Variants in APBA2 observed in about 807,000 individuals in gnomAD.
APBA2 encodes amyloid beta precursor protein binding family A member 2.
In APBA2, 30 loss-of-function variants were observed where a neutral mutation model predicts 75.0. The ratio of observed to expected loss-of-function variants is 0.40; its 90% CI spans 0.30 to 0.54. APBA2 has a LOEUF of 0.54. Among genes scored for constraint, APBA2 ranks in the 20% least tolerant of loss-of-function variants. The pLI is 0.49. For missense variants in APBA2, 801 were observed against 1,016.1 expected (o/e 0.79, Z 2.88); for synonymous variants, 444 against 409.6 (o/e 1.08, Z -1.01).
chr15:28,960,155 A>G (rs1208539632), intron 2 of APBA2, among the ~76,000 whole-genome samples: 1 of 151,440 alleles, frequency 6.6e-6, no homozygotes, highest in Non-Finnish European at 1.5e-5. Flanking sequence ...TTTCAAAAAA[A>G]AAAAAAAAAA....
At chr15:28,886,408 C>G (rs1030045849) in intron 1 of APBA2, 130 bp downstream of exon 1, 3 of 151,282 alleles carry the variant, frequency 2.0e-5, no homozygotes, top group African/African-American at 7.3e-5. Flanking sequence ...GAGCGCTGCC[C>G]TCCCGACTCA....
Position 29,117,132 on chromosome 15 carries a change from AGGCCACCCCAGCCT to A in APBA2, c.*6_*19del, listed in dbSNP as rs761806497. 3.1e-5 allele frequency: 50 copies of A among 1,612,756 alleles called. No homozygotes were observed. Among genetic ancestry groups the A allele is most frequent in the Non-Finnish European group, 4.2e-5 (49 of 1,179,842 alleles). On this transcript the variant is annotated stop_retained_variant and 3_prime_UTR_variant, in exon 15 of 15. Coordinates refer to ENST00000683413, the MANE Select transcript of APBA2 (RefSeq NM_001353788.2). ...GGTCAGGAGACCCCGCTGTACATCT[AGGCCACCCCAGCCT>A]GGCCACGCAGCCAGGACACCGGGCA...
At chr15:29,067,638 G>A (rs534539464) in intron 4 of APBA2, among the ~76,000 whole-genome samples, 2 of 152,214 alleles carry the variant, frequency 1.3e-5, no homozygotes, top group South Asian at 2.1e-4. Context: ...AACATATATC[G>A]TTAAATCCAC....
At chr15:28,983,545 G>A (rs542866376) in intron 2 of APBA2, among the ~76,000 whole-genome samples, 1 of 152,326 alleles carries the variant, frequency 6.6e-6, no homozygotes, top group African/African-American at 2.4e-5. Flanking sequence ...TTCTCTTCGA[G>A]GCTGGTTGTG....
chr15:29,117,529 C>T lies in APBA2; in HGVS notation c.*396C>T. 1 of 253,252 alleles carries T rather than the reference C, an allele frequency of 3.9e-6. No individual in the cohort carries two copies. Among genetic ancestry groups the T allele is most frequent in the South Asian group, 5.0e-5 (1 of 20,014 alleles). 15.7% of individuals were successfully genotyped at this position (253,252 alleles called of 1,614,324 possible). A position where few individuals can be genotyped will look rare whatever the true frequency, so the allele number is the denominator to read the frequency against. On this transcript the variant is annotated 3_prime_UTR_variant, in exon 15 of 15. Transcript: ENST00000683413. ...GGGGCAGGGCAGCCGTCACCCCTGC[C>T]TCCCGCCCCCTTGGCTGGGACGTCT... is the stretch of plus-strand genomic sequence containing the variant.
At chr15:29,002,990 C>T (rs2038929807) in intron 3 of APBA2, among the ~76,000 whole-genome samples, 1 of 151,894 alleles carries the variant, frequency 6.6e-6, no homozygotes, top group South Asian at 2.1e-4. Context: ...ATAACTGAAG[C>T]GTGGACAGAG....
intron 2 of APBA2, among the ~76,000 whole-genome samples, chr15:28,965,782 T>C (rs1295386643): frequency 3.3e-5 from 5 of 152,218 alleles, no homozygotes; most frequent in African/African-American, 4.8e-5. Context: ...TTGTTATTAG[T>C]GTATAGACAT....
At chr15:28,974,735 T>C (rs1181029669) in intron 2 of APBA2, among the ~76,000 whole-genome samples, 2 of 152,174 alleles carry the variant, frequency 1.3e-5, no homozygotes, top group East Asian at 3.8e-4. Flanking sequence ...AATTTTTGAA[T>C]TTGACGATAA....
chr15:29,033,686 C>T (rs992682974), intron 3 of APBA2, among the ~76,000 whole-genome samples: 3 of 152,110 alleles, frequency 2.0e-5, no homozygotes, highest in African/African-American at 7.2e-5. Flanking sequence ...CCTGGCTGGG[C>T]GCGGTGGCTC....
intron 3 of APBA2, among the ~76,000 whole-genome samples, chr15:29,042,294 T>G (rs1034693518): frequency 8.5e-5 from 13 of 152,182 alleles, no homozygotes; most frequent in Admixed American, 7.9e-4. Flanking sequence ...TCTTCTTTTC[T>G]TTCTTTCCTC....
At chr15:29,095,867 T>G (rs2043825789) in intron 8 of APBA2, among the ~76,000 whole-genome samples, 1 of 152,186 alleles carries the variant, frequency 6.6e-6, no homozygotes, top group South Asian at 2.1e-4. Flanking sequence ...GACTTGCAGT[T>G]GGGGTGTGCT....
chr15:28,928,828 G>GC (rs1271813344), intron 2 of APBA2, among the ~76,000 whole-genome samples: 1 of 152,074 alleles, frequency 6.6e-6, no homozygotes, highest in Non-Finnish European at 1.5e-5. Flanking sequence ...AAAGTTTTGG[G>GC]CCCCCCTAAG....
intron 4 of APBA2, among the ~76,000 whole-genome samples, chr15:29,069,165 C>A (rs2042509074): frequency 6.6e-6 from 1 of 152,176 alleles, no homozygotes. Context: ...CAGGGTTCAT[C>A]CCTGTTGTAG....
At chr15:29,080,497 A>C (rs1354140140) in intron 6 of APBA2, among the ~76,000 whole-genome samples, 1 of 151,992 alleles carries the variant, frequency 6.6e-6, no homozygotes, top group Non-Finnish European at 1.5e-5. Flanking sequence ...GGCCTGCCAC[A>C]ATCACTGTCT....
rs750580467 is a variant in APBA2, at chr15:29,105,502, C to G, written c.1648C>G (p.Gln550Glu). The G allele has an allele frequency of 6.2e-7, 1 of 1,613,954 alleles. No homozygotes were observed. Among genetic ancestry groups the G allele is most frequent in the African/African-American group, 1.3e-5 (1 of 75,064 alleles). ...QKEYSDIINTQEMYNDDLIHF... is the reference protein window; with the variant it reads ...QKEYSDIINTEEMYNDDLIHF... ...GGAATACAGCGACATCATCAACACC[C>G]AGGAGATGTACAACGACGACCTCAT... is the stretch of plus-strand genomic sequence containing the variant. The change falls in exon 11 of 15, where the codon CAG becomes GAG. Residue 550 changes from glutamine to glutamate, a missense_variant. By Grantham distance (29) the Gln-to-Glu change is conservative. Around this residue, in one of 2 missense-constraint regions of APBA2, gnomAD observed 367 missense variants for 544.5 expected, o/e 0.67. Coordinates refer to ENST00000683413, the MANE Select transcript of APBA2 (RefSeq NM_001353788.2).
intron 1 of APBA2, among the ~76,000 whole-genome samples, chr15:28,905,603 C>T (rs189106521): frequency 1.3e-5 from 2 of 152,256 alleles, no homozygotes; most frequent in East Asian, 1.9e-4. Flanking sequence ...TGTCTCTAGG[C>T]TGGACTTGAA....
intron 1 of APBA2, among the ~76,000 whole-genome samples, chr15:28,915,774 C>T (rs2033662993): frequency 1.3e-5 from 2 of 150,318 alleles, no homozygotes; most frequent in South Asian, 4.2e-4. Context: ...CTACATTACA[C>T]TCCACACACA....
intron 3 of APBA2, among the ~76,000 whole-genome samples, chr15:29,043,271 G>A (rs17748777): frequency 1.3e-5 from 2 of 151,980 alleles, no homozygotes; most frequent in Non-Finnish European, 1.5e-5. Flanking sequence ...CGCCCTTTGC[G>A]TATTTCGAGA....
chr15:28,972,355 AT>A (rs1487706474), intron 2 of APBA2, among the ~76,000 whole-genome samples: 1 of 152,242 alleles, frequency 6.6e-6, no homozygotes, highest in African/African-American at 2.4e-5. Context: ...ACATGGAAAT[AT>A]AGTCCACTGC....
Sources: allele counts gnomAD v4.1 joint callset (sites outside exome capture counted in the v4.1 genomes callset), GRCh38; gene constraint gnomAD v4.1.1; regional missense constraint gnomAD v4.1.1; transcripts MANE v1.5; gene names NCBI Gene and HGNC (gene_info 2026-07-23, HGNC 2026-07-21).